The following HECTD4 variants were observed in gnomAD, a reference collection of about 807,000 sequenced individuals.
The protein encoded by HECTD4 is probable E3 ubiquitin-protein ligase HECTD4.
In HECTD4, 114 loss-of-function variants were observed where a neutral mutation model predicts 471.5. That is an observed-to-expected ratio of 0.24 (90% CI 0.21 to 0.28). The LOEUF (loss-of-function observed/expected upper bound fraction) is 0.28, where lower values mean the gene tolerates loss of function less well. Among genes scored for constraint, HECTD4 ranks in the 10% least tolerant of loss-of-function variants. HECTD4 has a pLI of 1.00. For synonymous variants in HECTD4, 2,012 were observed against 2,256.0 expected, an observed-to-expected ratio of 0.89 and a Z score of 3.07; for missense variants, 3,866 against 5,651.5, an observed-to-expected ratio of 0.68 and a Z score of 10.13.
intron 1 of HECTD4, among the ~76,000 whole-genome samples, chr12:112,369,979 A>G (rs536951700): frequency 6.6e-6 from 1 of 152,278 alleles, no homozygotes; most frequent in Admixed American, 6.5e-5. Context: ...TGTAAATGTG[A>G]CCTTAGATGG....
At chr12:112,299,797 G>A (rs1023225965) in intron 7 of HECTD4, among the ~76,000 whole-genome samples, 1 of 152,186 alleles carries the variant, frequency 6.6e-6, no homozygotes, top group African/African-American at 2.4e-5. Context: ...TTTTAATGTA[G>A]AGCAGGTTCC....
At chr12:112,335,151 CACACACACACACACAG>C (rs1419094041) in intron 1 of HECTD4, among the ~76,000 whole-genome samples, 1 of 151,950 alleles carries the variant, frequency 6.6e-6, no homozygotes, top group Non-Finnish European at 1.5e-5. Flanking sequence ...GATACACACA[CACACACACACACACAG>C]ACACACACAC....
chr12:112,212,076 T>C (rs986956265), intron 49 of HECTD4, among the ~76,000 whole-genome samples: 5 of 152,346 alleles, frequency 3.3e-5, no homozygotes, highest in African/African-American at 1.2e-4. Context: ...TGTATGAGGA[T>C]GCTGGTTAAC....
intron 44 of HECTD4, among the ~76,000 whole-genome samples, chr12:112,222,927 A>G (rs997811770): frequency 6.6e-6 from 1 of 152,210 alleles, no homozygotes; most frequent in Non-Finnish European, 1.5e-5. Context: ...GTAAGGAATG[A>G]CTTTGGTTAT....
Position 112,228,208 on chromosome 12 carries a change from G to C in HECTD4, c.6735C>G (p.Val2245=). 1 of 1,613,752 alleles carries C rather than the reference G, an allele frequency of 6.2e-7. No homozygotes were observed. Among genetic ancestry groups the C allele is most frequent in the Non-Finnish European group, 8.5e-7 (1 of 1,179,796 alleles). The change falls in exon 43 of 76, where the codon GTC becomes GTG. Residue 2245 remains valine (V), a synonymous_variant. Coordinates refer to ENST00000682272, the MANE Select transcript of HECTD4 (RefSeq NM_001388303.1). This position sits in a 1 kb window ranked among gnomAD's most constrained non-coding sequence, Gnocchi z 4.9. Reference sequence around the variant, plus strand: ...CCTCCTGAGGAAGCAACATGGACTGGACTGCCTGTACTACCTTCTCAGTAA... The same window carrying C: ...CCTCCTGAGGAAGCAACATGGACTGCACTGCCTGTACTACCTTCTCAGTAA... ...LSITEKVVQA[V]QSMLLPQEGS...
intron 17 of HECTD4, among the ~76,000 whole-genome samples, chr12:112,262,515 CAAAAAAAAAAAAAAAA>C (rs758273849): frequency 2.5e-4 from 5 of 19,756 alleles, no homozygotes; most frequent in Non-Finnish European, 5.3e-4. Context: ...GACTCCATCT[CAAAAAAAAAAAAAAAA>C]AAAAAAAAAA....
intron 1 of HECTD4, among the ~76,000 whole-genome samples, chr12:112,333,996 G>T (rs1354507693): frequency 1.3e-5 from 2 of 151,970 alleles, no homozygotes; most frequent in Non-Finnish European, 2.9e-5. Context: ...ATCACCTGAG[G>T]TCAAGAGTTC....
At chr12:112,325,630 T>C (rs1431277948) in intron 1 of HECTD4, among the ~76,000 whole-genome samples, 1 of 152,190 alleles carries the variant, frequency 6.6e-6, no homozygotes, top group African/African-American at 2.4e-5. Flanking sequence ...TATTTTTCTC[T>C]TTAAAAAAGT....
At chr12:112,206,945 T>A (rs939675866) in intron 52 of HECTD4, among the ~76,000 whole-genome samples, 18 of 152,186 alleles carry the variant, frequency 1.2e-4, no homozygotes, top group African/African-American at 4.3e-4. Flanking sequence ...TGAGCAGAGT[T>A]TAAAAGGGTG....
chr12:112,252,983 TA>T (rs1202567552), intron 22 of HECTD4, among the ~76,000 whole-genome samples: 2 of 151,988 alleles, frequency 1.3e-5, no homozygotes, highest in African/African-American at 4.8e-5. Flanking sequence ...CTAATTTTTT[TA>T]TTTTTTTTTT....
chr12:112,250,359 C>T lies in HECTD4; in HGVS notation c.3735G>A (p.Glu1245=), dbSNP rs769562066. 6.2e-7 allele frequency: 1 copy of T among 1,613,182 alleles called. No homozygotes were observed. The highest frequency in any genetic ancestry group is 2.2e-5 in the East Asian group (1 of 44,876). The change falls in exon 25 of 76, where the codon GAG becomes GAA. Residue 1245 remains glutamate, a synonymous_variant. Coordinates refer to ENST00000682272, the MANE Select transcript of HECTD4 (RefSeq NM_001388303.1). ...GGGCAGGGGAGATCACGCCATTGGC[C>T]TCCACCTGCCACTGGCACCTGAGCA... ...KLLQRCQWQV[E]ANGVISPALT...
intron 40 of HECTD4, 25 bp from the exon 41 acceptor site, chr12:112,229,905 C>G: frequency 6.3e-7 from 1 of 1,590,204 alleles, no homozygotes; most frequent in Non-Finnish European, 8.6e-7. Flanking sequence ...AGCCCGTGCA[C>G]TAGGAGTTAA....
chr12:112,360,521 T>G (rs1294518751), intron 1 of HECTD4, among the ~76,000 whole-genome samples: 1 of 151,696 alleles, frequency 6.6e-6, no homozygotes, highest in East Asian at 1.9e-4. Context: ...TCTAACAAAG[T>G]GAAAAAATAA....
At chr12:112,331,742 C>G (rs2035846901) in intron 1 of HECTD4, among the ~76,000 whole-genome samples, 1 of 152,134 alleles carries the variant, frequency 6.6e-6, no homozygotes, top group Admixed American at 6.6e-5. Context: ...CTGGGAGAGT[C>G]AGGGGTGGCA....
chr12:112,304,840 T>A (rs1003143436), intron 7 of HECTD4, among the ~76,000 whole-genome samples: 3 of 152,204 alleles, frequency 2.0e-5, no homozygotes, highest in Non-Finnish European at 4.4e-5. Flanking sequence ...GTTACGAGAC[T>A]CCTGATGGAT....
rs1445477423 is a variant in HECTD4 at position 112,270,447 on chromosome 12, G to A, written c.1955C>T (p.Thr652Ile). The change falls in exon 12 of 76, where the codon ACC becomes ATC. Residue 652 changes from threonine to isoleucine, a missense_variant. Thr to Ile is a moderately conservative substitution (Grantham distance 89, BLOSUM62 -1). Transcript: ENST00000682272. The stretch of plus-strand genomic sequence containing the variant: ...TAATTGGTTTATAACCTCATTCGTG[G>A]TTATAGCCTCTTCTAGAAGATGAAA... The part of the protein sequence containing the change: ...IITEPKEEAI[T>I]TNEVINQLLH... 1 of 1,613,668 alleles carries A rather than the reference G, an allele frequency of 6.2e-7. No homozygotes were observed. Among genetic ancestry groups the A allele is most frequent in the African/African-American group, 1.3e-5 (1 of 74,936 alleles).
At chr12:112,198,078 G>T (rs916655903) in intron 55 of HECTD4, among the ~76,000 whole-genome samples, 1 of 152,102 alleles carries the variant, frequency 6.6e-6, no homozygotes, top group Non-Finnish European at 1.5e-5. Flanking sequence ...CAAGTGAACC[G>T]CCCACCTCGG....
intron 17 of HECTD4, chr12:112,262,081 G>T (rs2034157190): frequency 6.6e-6 from 1 of 152,116 alleles, no homozygotes; most frequent in East Asian, 1.9e-4. Flanking sequence ...TAACATCATA[G>T]AAATGTTTAG....
chr12:112,269,594 T>C lies in HECTD4; in HGVS notation c.2321+110A>G, dbSNP rs11066226. On this transcript the variant is annotated intron_variant, in intron 13 of 75. Transcript: ENST00000682272. ...TTATCCCCAATCCATGAGGTCCCAATTGTGGGATGGGGTAAGAGGCATTTA... is the reference window on the plus strand; with the variant it reads ...TTATCCCCAATCCATGAGGTCCCAACTGTGGGATGGGGTAAGAGGCATTTA... 0.04 allele frequency: 46,633 copies of C among 1,159,490 alleles called. 9,616 individuals are homozygous for C. In the East Asian group the frequency reaches 0.64, roughly 16 times the overall value. The allele number at this position is 1,159,490 out of a possible 1,614,324, so 71.8% of individuals were successfully genotyped here. A position where few individuals can be genotyped will look rare whatever the true frequency, so the allele number is the denominator to read the frequency against.
Sources: allele counts gnomAD v4.1 joint callset (sites outside exome capture counted in the v4.1 genomes callset), GRCh38; gene constraint gnomAD v4.1.1; non-coding constraint Gnocchi (gnomAD v3.1); transcripts MANE v1.5; gene names NCBI Gene and HGNC (gene_info 2026-07-23, HGNC 2026-07-21).